Variants in RPRD2 observed in about 807,000 individuals in gnomAD.
The protein encoded by RPRD2 is regulation of nuclear pre-mRNA domain-containing protein 2.
Under a neutral mutation model 104.4 loss-of-function variants are expected in RPRD2, and 12 were observed. The ratio of observed to expected loss-of-function variants is 0.11; its 90% CI spans 0.07 to 0.19. RPRD2 has a LOEUF of 0.19. RPRD2 is among the 10% of genes least tolerant of loss of function. The pLI, the probability that RPRD2 is intolerant of heterozygous loss-of-function variation, is 1.00. For synonymous variants in RPRD2, 714 were observed against 684.9 expected, an observed-to-expected ratio of 1.04 and a Z score of -0.66; for missense variants, 1,543 against 1,790.1, an observed-to-expected ratio of 0.86 and a Z score of 2.49.
At chr1:150,377,514 T>G (rs937310871) in intron 1 of RPRD2, among the ~76,000 whole-genome samples, 1 of 150,152 alleles carries the variant, frequency 6.7e-6, no homozygotes, top group African/African-American at 2.5e-5. Context: ...AGGAGGATGG[T>G]GTGAACCTGG....
At chr1:150,372,899 G>A (rs1660422733) in intron 1 of RPRD2, among the ~76,000 whole-genome samples, 1 of 152,098 alleles carries the variant, frequency 6.6e-6, no homozygotes, top group South Asian at 2.1e-4. Flanking sequence ...TATGGTGGGT[G>A]GTGTTGGGGA....
intron 2 of RPRD2, among the ~76,000 whole-genome samples, chr1:150,423,382 C>G (rs1346296502): frequency 6.6e-6 from 1 of 152,132 alleles, no homozygotes; most frequent in African/African-American, 2.4e-5. Flanking sequence ...GTAGGTATAT[C>G]TTTAATGTGG....
At chr1:150,439,800 T>C (rs1283760888) in intron 2 of RPRD2, among the ~76,000 whole-genome samples, 3 of 152,240 alleles carry the variant, frequency 2.0e-5, no homozygotes, top group African/African-American at 4.8e-5. Context: ...ACTTTTGTCC[T>C]TGTTTTGCTT....
intron 1 of RPRD2, among the ~76,000 whole-genome samples, chr1:150,371,665 G>A (rs1168581434): frequency 2.0e-5 from 3 of 152,190 alleles, no homozygotes; most frequent in Non-Finnish European, 2.9e-5. Flanking sequence ...CACCGTGCCC[G>A]GCTGTGCCAA....
At chr1:150,448,016 A>G (rs782290259) in intron 7 of RPRD2, among the ~76,000 whole-genome samples, 1 of 152,188 alleles carries the variant, frequency 6.6e-6, no homozygotes, top group East Asian at 1.9e-4. Flanking sequence ...TCTGTTATCT[A>G]TAAATTAAAG....
chr1:150,406,277 A>G (rs1184782068), intron 1 of RPRD2, among the ~76,000 whole-genome samples: 3 of 152,206 alleles, frequency 2.0e-5, no homozygotes, highest in Admixed American at 6.5e-5. Context: ...GGTTTCAGGA[A>G]TCCACTAGGG....
Position 150,471,879 on chromosome 1 carries a change from G to A in RPRD2, c.2931G>A (p.Pro977=), listed in dbSNP as rs374139308. The change falls in exon 11 of 11, where the codon CCG becomes CCA. Residue 977 remains proline, a synonymous_variant. Transcript: ENST00000369068. The surrounding 1 kb of genome is among the most constrained non-coding windows in gnomAD (Gnocchi z 5.3). The part of the protein sequence containing the change: ...HPVPHRSLFS[P]QNTLAAPTGH... ...TCCCACATCGTTCCCTTTTCTCTCC[G>A]CAGAACACCCTTGCCGCTCCCACGG... is the stretch of plus-strand genomic sequence containing the variant. 147 of 1,613,696 alleles carry A rather than the reference G, an allele frequency of 9.1e-5. 1 individual carries two copies. The highest frequency in any genetic ancestry group is 4.4e-4 in the South Asian group (40 of 91,070).
At chr1:150,438,587 C>G (rs1666184550) in intron 2 of RPRD2, among the ~76,000 whole-genome samples, 1 of 152,004 alleles carries the variant, frequency 6.6e-6, no homozygotes, top group Admixed American at 6.6e-5. Context: ...CGAGATCGCA[C>G]CATTGCACTC....
chr1:150,454,060 C>G (rs781905723), intron 7 of RPRD2, among the ~76,000 whole-genome samples: 1 of 152,158 alleles, frequency 6.6e-6, no homozygotes, highest in Non-Finnish European at 1.5e-5. Flanking sequence ...TTCCTCATCA[C>G]TATGAGACCA....
At chr1:150,450,504 G>T (rs1230125569) in intron 7 of RPRD2, among the ~76,000 whole-genome samples, 1 of 149,944 alleles carries the variant, frequency 6.7e-6, no homozygotes, top group Non-Finnish European at 1.5e-5. Flanking sequence ...TACTCCGCAG[G>T]CTGAGGCAGG....
At chr1:150,398,770 T>G (rs1255495575) in intron 1 of RPRD2, among the ~76,000 whole-genome samples, 1 of 151,976 alleles carries the variant, frequency 6.6e-6, no homozygotes, top group Non-Finnish European at 1.5e-5. Flanking sequence ...CTCGAACTCC[T>G]GACCTCAAGT....
At position 150,364,934 on chromosome 1, in the gene RPRD2, T is replaced by C. The variant is rs782191081; in HGVS notation, c.205+15T>C. 1 of 1,611,322 alleles carries C rather than the reference T, an allele frequency of 6.2e-7. No homozygotes were observed. On this transcript the variant is annotated intron_variant, in intron 1 of 10. Transcript: ENST00000369068. ...GCTCCGGAGATGTGAGTGTTGGGGGTGACTAGGGAAGGGAAGACTGGGGAA... is the reference window on the plus strand; with the variant it reads ...GCTCCGGAGATGTGAGTGTTGGGGGCGACTAGGGAAGGGAAGACTGGGGAA...
At chr1:150,380,003 C>T (rs1012115836) in intron 1 of RPRD2, among the ~76,000 whole-genome samples, 4 of 152,182 alleles carry the variant, frequency 2.6e-5, no homozygotes, top group African/African-American at 4.8e-5. Context: ...ATCTTAACAT[C>T]GCATATTGCC....
intron 9 of RPRD2, among the ~76,000 whole-genome samples, chr1:150,462,637 A>C (rs1668014559): frequency 6.6e-6 from 1 of 151,780 alleles, no homozygotes; most frequent in Non-Finnish European, 1.5e-5. Flanking sequence ...GCTCACTGCA[A>C]GCTCCGCCTC....
intron 7 of RPRD2, among the ~76,000 whole-genome samples, chr1:150,450,724 G>A (rs1553896422): frequency 6.6e-6 from 1 of 151,526 alleles, no homozygotes; most frequent in Non-Finnish European, 1.5e-5. Flanking sequence ...GGGTTCAAGC[G>A]ATTCTTCTGC....
At chr1:150,453,883 A>G (rs1447348561) in intron 7 of RPRD2, among the ~76,000 whole-genome samples, 2 of 152,180 alleles carry the variant, frequency 1.3e-5, no homozygotes, top group Admixed American at 1.3e-4. Context: ...GGTCATATTA[A>G]TTAAATCTGA....
At chr1:150,430,486 T>G (rs587674593) in intron 2 of RPRD2, among the ~76,000 whole-genome samples, 18 of 151,954 alleles carry the variant, frequency 1.2e-4, no homozygotes, top group Non-Finnish European at 1.8e-4. Flanking sequence ...TGGGCAACAG[T>G]GGGACCTCAT....
chr1:150,455,541 CAAG>C (rs1667470453), intron 7 of RPRD2, among the ~76,000 whole-genome samples: 3 of 146,796 alleles, frequency 2.0e-5, no homozygotes, highest in East Asian at 2.0e-4. Context: ...GTGTCACAAA[CAAG>C]AGGAGTCTAA....
intron 1 of RPRD2, among the ~76,000 whole-genome samples, chr1:150,366,149 A>C (rs1032396169): frequency 2.0e-5 from 3 of 152,192 alleles, no homozygotes; most frequent in Non-Finnish European, 4.4e-5. Flanking sequence ...CTGAGAAGAG[A>C]GGGTTAACTC....
Sources: allele counts gnomAD v4.1 joint callset (sites outside exome capture counted in the v4.1 genomes callset), GRCh38; gene constraint gnomAD v4.1.1; non-coding constraint Gnocchi (gnomAD v3.1); transcripts MANE v1.5; gene names NCBI Gene and HGNC (gene_info 2026-07-23, HGNC 2026-07-21).